Variants in PRKN observed in about 807,000 individuals in gnomAD.
The protein encoded by PRKN is parkin RBR E3 ubiquitin protein ligase, also known as E3 ubiquitin-protein ligase parkin.
In PRKN, 56 loss-of-function variants were observed where a neutral mutation model predicts 59.5. The observed-to-expected ratio is 0.94, with a 90% confidence interval of 0.76 to 1.18. The LOEUF is 1.18. Among genes scored for constraint, PRKN ranks in the 50% most tolerant of loss-of-function variants. PRKN has a pLI of 0.00. For missense variants in PRKN, 657 were observed against 596.4 expected, an observed-to-expected ratio of 1.10 and a Z score of -1.06; for synonymous variants, 250 against 222.1, an observed-to-expected ratio of 1.13 and a Z score of -1.12.
chr6:161,446,933 AC>A lies in PRKN; in HGVS notation c.1084-60057del, dbSNP rs1391837860. Among the ~76,000 whole-genome samples the A allele has an allele frequency of 6.6e-6, 1 of 152,144 alleles. No individual in the cohort carries two copies. The highest frequency in any genetic ancestry group is 2.4e-5 in the African/African-American group (1 of 41,438). ...TACATTCAGTTAAAAGCTACTCTGT[AC>A]CCCAGGACATGGGAGCAGCTCCTAT... On this transcript the variant is annotated intron_variant, in intron 9 of 11. Transcript: ENST00000366898. The surrounding 1 kb of genome is among the most constrained non-coding windows in gnomAD (Gnocchi z 6.2).
intron 6 of PRKN, among the ~76,000 whole-genome samples, chr6:161,900,928 A>ATTTT (rs1554245085): frequency 0.23 from 33,629 of 143,312 alleles, 4,366 homozygotes; most frequent in Middle Eastern, 0.32. Flanking sequence ...ATATATATAT[A>ATTTT]TTTTTTAGAT....
At chr6:161,966,185 G>C (rs1216456729) in intron 6 of PRKN, among the ~76,000 whole-genome samples, 1 of 151,772 alleles carries the variant, frequency 6.6e-6, no homozygotes, top group African/African-American at 2.4e-5. Context: ...CAATAAATAG[G>C]GTTAAATAAA....
intron 3 of PRKN, among the ~76,000 whole-genome samples, chr6:162,238,925 C>T (rs882844): frequency 0.15 from 22,512 of 152,062 alleles, 2,251 homozygotes; most frequent in East Asian, 0.49. Context: ...CGTGGCTGTG[C>T]ACCAGTGACA....
intron 4 of PRKN, among the ~76,000 whole-genome samples, chr6:162,137,809 G>C (rs1480786500): frequency 6.6e-6 from 1 of 152,178 alleles, no homozygotes. Flanking sequence ...GCCTCTTAAA[G>C]GTCCCATCTC....
In PRKN at chr6:161,913,968, C is replaced by T. The variant is rs568315062; in HGVS notation, c.734+59334G>A. 1.5e-3 allele frequency among the ~76,000 whole-genome samples: 232 copies of T among 152,274 alleles called. 2 individuals are homozygous for T. Among genetic ancestry groups the T allele is most frequent in the African/African-American group, 5.5e-3 (228 of 41,560 alleles). On this transcript the variant is annotated intron_variant, in intron 6 of 11. Transcript: ENST00000366898. The stretch of plus-strand genomic sequence containing the variant: ...AGAGAGCCCTCACCAGGTTTCCAAT[C>T]GGCTGGAGCCTTCGACTTGGACTTC...
At chr6:161,574,117 G>C (rs547479840) in intron 7 of PRKN, among the ~76,000 whole-genome samples, 42 of 152,022 alleles carry the variant, frequency 2.8e-4, no homozygotes, top group African/African-American at 1.0e-3. Context: ...CTGGAAGGCG[G>C]CAAGATATTT....
intron 5 of PRKN, among the ~76,000 whole-genome samples, chr6:161,988,931 T>A (rs1232512051): frequency 6.6e-6 from 1 of 152,234 alleles, no homozygotes; most frequent in Non-Finnish European, 1.5e-5. Context: ...AAAAAATATT[T>A]ACAATGAGCT....
chr6:161,976,749 A>G (rs759987169), intron 5 of PRKN, among the ~76,000 whole-genome samples: 2 of 152,234 alleles, frequency 1.3e-5, no homozygotes, highest in Non-Finnish European at 2.9e-5. Flanking sequence ...TTCAAAACAT[A>G]AAGTAATTCC....
chr6:162,062,128 T>C (rs1193832607), intron 4 of PRKN, among the ~76,000 whole-genome samples: 1 of 152,212 alleles, frequency 6.6e-6, no homozygotes, highest in Non-Finnish European at 1.5e-5. Flanking sequence ...CTCCTAACAA[T>C]TTTATTCATA....
At chr6:161,665,144 A>G (rs1784681844) in intron 7 of PRKN, among the ~76,000 whole-genome samples, 2 of 152,088 alleles carry the variant, frequency 1.3e-5, no homozygotes, top group Non-Finnish European at 1.5e-5. Context: ...AAAAAAACCA[A>G]TGAACATTCT....
intron 7 of PRKN, among the ~76,000 whole-genome samples, chr6:161,577,774 G>A (rs1781188239): frequency 6.6e-6 from 1 of 152,174 alleles, no homozygotes; most frequent in Non-Finnish European, 1.5e-5. Context: ...TGCAGCTGCT[G>A]TATTAATCCA....
chr6:161,644,805 C>A (rs13202411), intron 7 of PRKN, among the ~76,000 whole-genome samples: 1 of 152,156 alleles, frequency 6.6e-6, no homozygotes, highest in Non-Finnish European at 1.5e-5. Flanking sequence ...TGAGGACATG[C>A]ACCCAGGCAG....
At chr6:162,133,671 A>C (rs917668416) in intron 4 of PRKN, among the ~76,000 whole-genome samples, 2 of 152,200 alleles carry the variant, frequency 1.3e-5, no homozygotes, top group Non-Finnish European at 2.9e-5. Context: ...AAGAGTTTTA[A>C]AATGAGATAT....
intron 3 of PRKN, among the ~76,000 whole-genome samples, chr6:162,236,866 G>T (rs1778752049): frequency 6.6e-6 from 1 of 151,172 alleles, no homozygotes; most frequent in African/African-American, 2.4e-5. Context: ...AGGAAAGAGA[G>T]AGAAAGAATG....
intron 4 of PRKN, among the ~76,000 whole-genome samples, chr6:162,197,149 C>T (rs1369526615): frequency 6.6e-6 from 1 of 152,024 alleles, no homozygotes; most frequent in Non-Finnish European, 1.5e-5. Flanking sequence ...GTTATCGATC[C>T]TTATAAAGTT....
Position 162,009,654 on chromosome 6 carries a change from G to A in PRKN, c.619-36237C>T, listed in dbSNP as rs140411642. On this transcript the variant is annotated intron_variant, in intron 5 of 11. Transcript: ENST00000366898. ...TGCAGTGAAATAAAAGTCCTCTCGC[G>A]GCTGGGCATGGTGGCTCATGCCTGT... Among the ~76,000 whole-genome samples the A allele has an allele frequency of 2.5e-3, 376 of 151,884 alleles. 13 individuals carry two copies. The highest frequency in any genetic ancestry group is 8.5e-3 in the African/African-American group (352 of 41,264).
At position 161,386,724 on chromosome 6, in the gene PRKN, C is replaced by T. The variant is rs756753053; in HGVS notation, c.1167+70G>A. On this transcript the variant is annotated intron_variant, in intron 10 of 11. Transcript: ENST00000366898. The surrounding 1 kb of genome is among the most constrained non-coding windows in gnomAD (Gnocchi z 4.3). Reference sequence around the variant, plus strand: ...TTTAGAATGGAACTCTCCATGACCTCCAGGAAACGGCTCCAGTCCCCCACT... The same window carrying T: ...TTTAGAATGGAACTCTCCATGACCTTCAGGAAACGGCTCCAGTCCCCCACT... 8.3e-7 allele frequency: 1 copy of T among 1,211,408 alleles called. No individual in the cohort carries two copies. Among genetic ancestry groups the T allele is most frequent in the Non-Finnish European group, 1.2e-6 (1 of 812,324 alleles). The allele number at this position is 1,211,408 out of a possible 1,614,324, so 75.0% of individuals were successfully genotyped here.
chr6:162,203,397 G>C (rs991200794), intron 3 of PRKN, among the ~76,000 whole-genome samples: 6 of 152,092 alleles, frequency 3.9e-5, no homozygotes, highest in Non-Finnish European at 1.5e-5. Context: ...TCAAGGTCAG[G>C]CCAGTCGTGG....
intron 6 of PRKN, among the ~76,000 whole-genome samples, chr6:161,938,715 C>T (rs1253562922): frequency 2.0e-5 from 3 of 152,170 alleles, no homozygotes; most frequent in African/African-American, 7.2e-5. Flanking sequence ...GTGCCACTTA[C>T]AGTGTTTGAG....
Sources: gnomAD v4.1 joint callset for allele counts (sites outside exome capture counted in the v4.1 genomes callset) on GRCh38, gnomAD v4.1.1 for gene constraint, Gnocchi (gnomAD v3.1) non-coding constraint, MANE v1.5 for transcripts, NCBI Gene and HGNC (gene_info 2026-07-23, HGNC 2026-07-21) for gene names.